KATNAL1: variants seen among roughly 807,000 people sequenced by gnomAD.
KATNAL1 encodes the protein katanin p60 ATPase-containing subunit A-like 1.
Under a neutral mutation model 55.2 loss-of-function variants are expected in KATNAL1, and 32 were observed. The ratio of observed to expected loss-of-function variants is 0.58; its 90% CI spans 0.44 to 0.78. The LOEUF is 0.78. KATNAL1 is among the 30% of genes least tolerant of loss of function. The pLI, the probability that KATNAL1 is intolerant of heterozygous loss-of-function variation, is 0.00. For missense variants in KATNAL1, 466 were observed against 600.9 expected (o/e 0.78, Z 2.35); for synonymous variants, 193 against 193.6 (o/e 1.00, Z 0.02).
chr13:30,305,945 C>T (rs1331617158), intron 1 of KATNAL1, among the ~76,000 whole-genome samples: 2 of 152,178 alleles, frequency 1.3e-5, no homozygotes, highest in Non-Finnish European at 2.9e-5. Context: ...CTTACTAAAC[C>T]TACTTTCCAT....
chr13:30,302,917 T>C (rs960386691), intron 1 of KATNAL1, among the ~76,000 whole-genome samples: 2 of 152,164 alleles, frequency 1.3e-5, no homozygotes, highest in Non-Finnish European at 2.9e-5. Context: ...TATAATACCC[T>C]GGGAAGTAAA....
At chr13:30,304,467 A>T (rs1350256747) in intron 1 of KATNAL1, among the ~76,000 whole-genome samples, 1 of 151,800 alleles carries the variant, frequency 6.6e-6, no homozygotes, top group Non-Finnish European at 1.5e-5. Flanking sequence ...ACGAGGTTTC[A>T]CCATCTTGGC....
chr13:30,227,185 A>G (rs1186975792), intron 9 of KATNAL1, among the ~76,000 whole-genome samples: 1 of 152,258 alleles, frequency 6.6e-6, no homozygotes, highest in African/African-American at 2.4e-5. Flanking sequence ...GTGAAAACTT[A>G]AAAGTGCTAC....
rs185479715 is a variant in KATNAL1 at position 30,205,261 on chromosome 13, C to T, written c.*3279G>A. 23 of 152,312 alleles carry T rather than the reference C, an allele frequency of 1.5e-4. No homozygotes were observed. Among genetic ancestry groups the T allele is most frequent in the African/African-American group, 5.1e-4 (21 of 41,564 alleles). 9.4% of individuals were successfully genotyped at this position (152,312 alleles called of 1,614,324 possible). A position where few individuals can be genotyped will look rare whatever the true frequency, so the allele number is the denominator to read the frequency against. ...TTGTTTCAGTAGTAGAAGCCAGAAG[C>T]TATACAGAGTCGTTAGAGAAACTGC... On this transcript the variant is annotated 3_prime_UTR_variant, in exon 11 of 11. Coordinates refer to ENST00000380615, the MANE Select transcript of KATNAL1 (RefSeq NM_032116.5).
At chr13:30,258,757 C>A (rs1262418060) in intron 3 of KATNAL1, among the ~76,000 whole-genome samples, 1 of 149,526 alleles carries the variant, frequency 6.7e-6, no homozygotes, top group Non-Finnish European at 1.5e-5. Context: ...AGAAGAGTAT[C>A]TCGATTTTTT....
chr13:30,294,055 C>G (rs1269920096), intron 1 of KATNAL1, among the ~76,000 whole-genome samples: 3 of 151,838 alleles, frequency 2.0e-5, no homozygotes, highest in African/African-American at 7.3e-5. Flanking sequence ...GGCTGTTGCC[C>G]TCTCTCTCTC....
In KATNAL1 at chr13:30,280,604, T is replaced by G. The variant is rs147220857; in HGVS notation, c.163-381A>C. On this transcript the variant is annotated intron_variant, in intron 2 of 10. Coordinates refer to ENST00000380615, the MANE Select transcript of KATNAL1 (RefSeq NM_032116.5). ...TATTTATAAATAGATTCCCAAAAATTAAGCCAAAATTTTCAACAGCATTTC... is the reference window on the plus strand; with the variant it reads ...TATTTATAAATAGATTCCCAAAAATGAAGCCAAAATTTTCAACAGCATTTC... Among the ~76,000 whole-genome samples the G allele has an allele frequency of 2.5e-4, 38 of 152,238 alleles. No individual in the cohort carries two copies. In the East Asian group the frequency reaches 5.8e-3, roughly 23 times the overall value.
In KATNAL1 at chr13:30,231,427, C is replaced by T. The variant is rs1320492691; in HGVS notation, c.772G>A (p.Ala258Thr). The part of the protein sequence containing the change: ...GPPGTGKTML[A>T]KAVATECGTT... ...CCACATTCAGTGGCAACAGCTTTAGCTAGCATAGTTTTACCAGTGCCTGGG... is the reference window on the plus strand; with the variant it reads ...CCACATTCAGTGGCAACAGCTTTAGTTAGCATAGTTTTACCAGTGCCTGGG... The change falls in exon 7 of 11, where the codon GCT becomes ACT. Residue 258 changes from alanine (A) to threonine (T), a missense_variant. Transcript: ENST00000380615. 5 of 1,599,256 alleles carry T rather than the reference C, an allele frequency of 3.1e-6. No homozygotes were observed. In the Admixed American group the frequency reaches 6.9e-5, roughly 22 times the overall value.
intron 4 of KATNAL1, among the ~76,000 whole-genome samples, chr13:30,244,658 G>A (rs1422449970): frequency 6.6e-6 from 1 of 152,038 alleles, no homozygotes; most frequent in East Asian, 1.9e-4. Context: ...CTGCTAGCCA[G>A]ACTAATAAAG....
intron 9 of KATNAL1, among the ~76,000 whole-genome samples, chr13:30,218,789 A>C (rs540309275): frequency 6.6e-5 from 10 of 152,196 alleles, no homozygotes; most frequent in Non-Finnish European, 1.5e-4. Flanking sequence ...TTGTGAATGA[A>C]GACATTCCAC....
At chr13:30,229,298 C>A (rs1875841237) in intron 8 of KATNAL1, among the ~76,000 whole-genome samples, 3 of 152,108 alleles carry the variant, frequency 2.0e-5, no homozygotes, top group Admixed American at 2.0e-4. Flanking sequence ...GTGTTTTCCA[C>A]TGCACCCAGA....
chr13:30,219,409 C>T (rs1460570159), intron 9 of KATNAL1, among the ~76,000 whole-genome samples: 1 of 152,180 alleles, frequency 6.6e-6, no homozygotes, highest in Non-Finnish European at 1.5e-5. Context: ...TGAAGTCTCC[C>T]TTAAGTACAC....
intron 4 of KATNAL1, among the ~76,000 whole-genome samples, chr13:30,243,923 C>CA (rs983538540): frequency 1.4e-3 from 220 of 152,130 alleles, no homozygotes; most frequent in African/African-American, 5.2e-3. Flanking sequence ...TTGGAAATCT[C>CA]ATTATTTTTC....
At chr13:30,218,147 C>G (rs949598720) in intron 9 of KATNAL1, among the ~76,000 whole-genome samples, 3 of 150,878 alleles carry the variant, frequency 2.0e-5, no homozygotes, top group Admixed American at 6.6e-5. Context: ...CAATAAAATA[C>G]TGATAGATGC....
At chr13:30,298,322 T>C (rs896511368) in intron 1 of KATNAL1, among the ~76,000 whole-genome samples, 6 of 152,244 alleles carry the variant, frequency 3.9e-5, no homozygotes, top group Middle Eastern at 3.2e-3. Context: ...GATTCAACTA[T>C]GCCCTTATAT....
intron 9 of KATNAL1, among the ~76,000 whole-genome samples, chr13:30,225,016 T>C (rs1204860317): frequency 6.6e-6 from 1 of 152,214 alleles, no homozygotes; most frequent in African/African-American, 2.4e-5. Flanking sequence ...TCCTTATTAG[T>C]GTGGGGCAGC....
intron 1 of KATNAL1, among the ~76,000 whole-genome samples, chr13:30,285,951 G>A (rs189373760): frequency 2.0e-5 from 3 of 152,328 alleles, no homozygotes; most frequent in Non-Finnish European, 4.4e-5. Context: ...GGTGTTTATG[G>A]TATCTGGCAG....
intron 3 of KATNAL1, among the ~76,000 whole-genome samples, chr13:30,260,536 G>C (rs1427762695): frequency 6.6e-6 from 1 of 152,118 alleles, no homozygotes; most frequent in Non-Finnish European, 1.5e-5. Context: ...GGAACTGATG[G>C]AGCTGAAAAC....
intron 3 of KATNAL1, among the ~76,000 whole-genome samples, chr13:30,259,515 G>C (rs1221219254): frequency 1.3e-5 from 2 of 152,172 alleles, no homozygotes; most frequent in Non-Finnish European, 2.9e-5. Context: ...GTGGGTGTGC[G>C]CACCGTGCAC....
Sources: gnomAD v4.1 joint callset for allele counts (sites outside exome capture counted in the v4.1 genomes callset) on GRCh38, gnomAD v4.1.1 for gene constraint, MANE v1.5 for transcripts, NCBI Gene and HGNC (gene_info 2026-07-23, HGNC 2026-07-21) for gene names.